Variants in AUTS2 observed in about 807,000 individuals in gnomAD.
AUTS2 encodes activator of transcription and developmental regulator AUTS2.
A neutral mutation model predicts 112.4 loss-of-function variants in AUTS2; 17 were observed. That is an observed-to-expected ratio of 0.15 (90% CI 0.10 to 0.23). The LOEUF is 0.23. Among genes scored for constraint, AUTS2 ranks in the 10% least tolerant of loss-of-function variants. The pLI is 1.00. For synonymous variants in AUTS2, 751 were observed against 702.7 expected, an observed-to-expected ratio of 1.07 and a Z score of -1.09; for missense variants, 1,510 against 1,701.6, an observed-to-expected ratio of 0.89 and a Z score of 1.98.
chr7:70,489,792 G>C (rs768125355), intron 5 of AUTS2, among the ~76,000 whole-genome samples: 1 of 152,132 alleles, frequency 6.6e-6, no homozygotes, highest in Admixed American at 6.5e-5. Flanking sequence ...AAGAAGGTAT[G>C]GTGTGAGGGG....
At chr7:69,695,936 C>G (rs1797542701) in intron 1 of AUTS2, among the ~76,000 whole-genome samples, 1 of 152,140 alleles carries the variant, frequency 6.6e-6, no homozygotes, top group African/African-American at 2.4e-5. Flanking sequence ...AAGAAATGCT[C>G]TTTTTCCATC....
At chr7:70,249,891 TA>T (rs1562821002) in intron 4 of AUTS2, among the ~76,000 whole-genome samples, 2 of 127,176 alleles carry the variant, frequency 1.6e-5, no homozygotes, top group African/African-American at 3.2e-5. Flanking sequence ...TTAAGTAAAA[TA>T]TTAATATTTT....
intron 3 of AUTS2, among the ~76,000 whole-genome samples, 169 bp from the exon 4 acceptor site, chr7:70,134,367 A>C (rs1350419236): frequency 6.6e-6 from 1 of 152,160 alleles, no homozygotes; most frequent in Non-Finnish European, 1.5e-5. Context: ...AAAGGGGAAA[A>C]TTAAGCAACA....
intron 7 of AUTS2, 54 bp from the exon 8 acceptor site, chr7:70,764,698 A>G: frequency 1.4e-6 from 1 of 709,430 alleles, no homozygotes; most frequent in Non-Finnish European, 2.6e-6. Context: ...TAAAGAGAAT[A>G]CATTGCTTAC....
chr7:70,437,027 C>T (rs1015993641), intron 5 of AUTS2: 2 of 152,340 alleles, frequency 1.3e-5, no homozygotes, highest in African/African-American at 4.8e-5. Context: ...AACAGGCTCT[C>T]GCCTTGAGGT....
intron 1 of AUTS2, among the ~76,000 whole-genome samples, chr7:69,610,380 T>C (rs759279107): frequency 6.6e-6 from 1 of 152,174 alleles, no homozygotes; most frequent in Non-Finnish European, 1.5e-5. Flanking sequence ...GTTGACAAAA[T>C]TGGTGTAAAT....
chr7:69,815,413 A>C (rs1448879225), intron 1 of AUTS2, among the ~76,000 whole-genome samples: 1 of 152,170 alleles, frequency 6.6e-6, no homozygotes, highest in Non-Finnish European at 1.5e-5. Flanking sequence ...GGAAACAACA[A>C]TCTTAAAGTT....
chr7:70,455,566 A>G (rs1283971857), intron 5 of AUTS2, among the ~76,000 whole-genome samples: 2 of 152,118 alleles, frequency 1.3e-5, no homozygotes, highest in African/African-American at 4.8e-5. Context: ...GCTACACATC[A>G]CAGTCACTCA....
At chr7:69,714,237 A>C (rs989152141) in intron 1 of AUTS2, among the ~76,000 whole-genome samples, 1 of 89,902 alleles carries the variant, frequency 1.1e-5, no homozygotes, top group Non-Finnish European at 2.2e-5. Flanking sequence ...CTAATTGTGC[A>C]TGTGTGTGTA....
At chr7:70,145,682 C>T (rs1386707600) in intron 4 of AUTS2, among the ~76,000 whole-genome samples, 7 of 152,008 alleles carry the variant, frequency 4.6e-5, no homozygotes, top group African/African-American at 1.7e-4. Flanking sequence ...ATTTTGAATA[C>T]AGAAGGGATA....
chr7:70,433,763 A>G (rs1296434154), intron 4 of AUTS2, among the ~76,000 whole-genome samples: 2 of 152,216 alleles, frequency 1.3e-5, no homozygotes, highest in East Asian at 1.9e-4. Context: ...CCTCCAGTCT[A>G]TAAGACTGTG....
chr7:70,299,062 ATTC>A (rs1693847986), intron 4 of AUTS2, among the ~76,000 whole-genome samples: 1 of 152,244 alleles, frequency 6.6e-6, no homozygotes, highest in Admixed American at 6.5e-5. Flanking sequence ...ATGCAAATTC[ATTC>A]TTCTTTTGGA....
intron 2 of AUTS2, among the ~76,000 whole-genome samples, chr7:69,998,435 C>T (rs934102660): frequency 3.3e-5 from 5 of 152,170 alleles, no homozygotes; most frequent in African/African-American, 9.7e-5. Flanking sequence ...TGTGGGAAAG[C>T]TGCCCTGCAA....
chr7:70,366,274 A>G (rs1792564301), intron 4 of AUTS2, among the ~76,000 whole-genome samples: 1 of 152,220 alleles, frequency 6.6e-6, no homozygotes, highest in Admixed American at 6.5e-5. Context: ...AAGTTATATA[A>G]TACAAACATG....
intron 1 of AUTS2, among the ~76,000 whole-genome samples, chr7:69,705,433 G>A (rs558829321): frequency 4.1e-4 from 62 of 152,322 alleles, no homozygotes; most frequent in Non-Finnish European, 6.8e-4. Flanking sequence ...ATGAAAGGAT[G>A]ACTGGATAGA....
chr7:70,756,506 CTACA>C (rs1441164305), intron 6 of AUTS2, among the ~76,000 whole-genome samples: 1 of 152,070 alleles, frequency 6.6e-6, no homozygotes, highest in African/African-American at 2.4e-5. Context: ...ATGTACCCAT[CTACA>C]TACATAATTT....
intron 4 of AUTS2, among the ~76,000 whole-genome samples, chr7:70,286,421 A>G (rs1300905509): frequency 1.3e-5 from 2 of 152,236 alleles, no homozygotes; most frequent in Non-Finnish European, 2.9e-5. Flanking sequence ...TTTAAAACTA[A>G]AACAGAAAGT....
At chr7:70,418,071 C>CTTTCTGTG (rs1795057889) in intron 4 of AUTS2, among the ~76,000 whole-genome samples, 1 of 131,356 alleles carries the variant, frequency 7.6e-6, no homozygotes, top group Non-Finnish European at 1.7e-5. Context: ...TGGTGGCTAA[C>CTTTCTGTG]TTTCTGTGTG....
At chr7:70,409,431 A>G (rs1794681984) in intron 4 of AUTS2, among the ~76,000 whole-genome samples, 1 of 152,172 alleles carries the variant, frequency 6.6e-6, no homozygotes. Flanking sequence ...TTGGAGAAAG[A>G]CTTACCAGTT....
Sources: allele counts gnomAD v4.1 joint callset (sites outside exome capture counted in the v4.1 genomes callset), GRCh38; gene constraint gnomAD v4.1.1; transcripts MANE v1.5; gene names NCBI Gene and HGNC (gene_info 2026-07-23, HGNC 2026-07-21).